Variants in ODR4 observed in about 807,000 individuals in gnomAD.
The protein encoded by ODR4 is odr-4 GPCR localization factor homolog.
Under a neutral mutation model 60.2 loss-of-function variants are expected in ODR4, and 47 were observed. That is an observed-to-expected ratio of 0.78 (90% CI 0.62 to 1.00). ODR4 has a LOEUF of 1.00. Ranked by LOEUF, ODR4 falls within the 50% of genes least tolerant of loss-of-function variation. ODR4 has a pLI of 0.00. For synonymous variants in ODR4, 178 were observed against 175.5 expected, an observed-to-expected ratio of 1.01 and a Z score of -0.11; for missense variants, 488 against 530.8, an observed-to-expected ratio of 0.92 and a Z score of 0.79.
the ODR4 span, among the ~76,000 whole-genome samples, chr1:186,434,640 T>C: frequency 2.0e-5 from 3 of 152,200 alleles, no homozygotes; most frequent in Non-Finnish European, 4.4e-5. Flanking sequence ...AAATTGGAGA[T>C]ACAATGATTG....
Position 186,398,874 on chromosome 1 carries a change from TTA to T in ODR4, c.910-78_910-77del. 3.8e-6 allele frequency: 4 copies of T among 1,042,272 alleles called. No homozygotes were observed. In the South Asian group the frequency reaches 6.4e-5, roughly 17 times the overall value. The allele number at this position is 1,042,272 out of a possible 1,614,324, so 64.6% of individuals were successfully genotyped here. On this transcript the variant is annotated intron_variant, in intron 10 of 13. Transcript: ENST00000287859. ...GGGCATGATTGTACTGGAAAGCAAA[TTA>T]TTTTTTTTGTTAGTTAAATATTGTA...
At position 186,390,563 on chromosome 1, in the gene ODR4, C is replaced by A. The variant is rs1333215144; in HGVS notation, c.475-148C>A. ...TGCTTTATTTTGTGTTTAGTTCAAC[C>A]TATAGTCTTTTGATCAAGGGTTTAG... On this transcript the variant is annotated intron_variant, in intron 6 of 13. Transcript: ENST00000287859. 7 of 765,634 alleles carry A rather than the reference C, an allele frequency of 9.1e-6. No individual in the cohort carries two copies. The African/African-American group carries it at 1.1e-4, about 12-fold the overall frequency. 47.4% of individuals were successfully genotyped at this position (765,634 alleles called of 1,614,324 possible).
chr1:186,414,678 C>T (rs1661496000), intron 12 of ODR4, among the ~76,000 whole-genome samples: 1 of 151,998 alleles, frequency 6.6e-6, no homozygotes, highest in Non-Finnish European at 1.5e-5. Context: ...TGCCACCATA[C>T]CTGGCTAATT....
chr1:186,383,115 G>C lies in ODR4; in HGVS notation c.193G>C (p.Asp65His). The change falls in exon 3 of 14, where the codon GAT becomes CAT. Residue 65 changes from aspartate (D) to histidine (H), a missense_variant. Coordinates refer to ENST00000287859, the MANE Select transcript of ODR4 (RefSeq NM_017847.6). Reference protein sequence around the residue: ...ENLKHPKAKLDNLDEEWATEH... With the variant: ...ENLKHPKAKLHNLDEEWATEH... ...CCTCAAACATCCCAAAGCTAAGTTG[G>C]ATAACTTGGATGAAGAATGGGCCAC... 1 of 1,557,060 alleles carries C rather than the reference G, an allele frequency of 6.4e-7. No individual in the cohort carries two copies. The highest frequency in any genetic ancestry group is 8.7e-7 in the Non-Finnish European group (1 of 1,149,698).
At chr1:186,392,580 G>A (rs1217695452) in intron 8 of ODR4, among the ~76,000 whole-genome samples, 1 of 152,196 alleles carries the variant, frequency 6.6e-6, no homozygotes, top group Non-Finnish European at 1.5e-5. Context: ...ACTTTGGGGG[G>A]CCGAGGTGGG....
intron 8 of ODR4, among the ~76,000 whole-genome samples, chr1:186,392,442 A>G (rs1360606625): frequency 2.6e-5 from 4 of 152,252 alleles, no homozygotes; most frequent in African/African-American, 9.6e-5. Flanking sequence ...ACACCATGGA[A>G]TACTGTGCAG....
intron 3 of ODR4, among the ~76,000 whole-genome samples, chr1:186,385,261 A>T (rs1660210067): frequency 6.7e-6 from 1 of 149,830 alleles, no homozygotes; most frequent in African/African-American, 2.5e-5. Context: ...AATAGAAAAT[A>T]ATGGATTTTC....
chr1:186,399,725 T>A (rs1660847400), intron 11 of ODR4, among the ~76,000 whole-genome samples: 1 of 152,268 alleles, frequency 6.6e-6, no homozygotes, highest in Admixed American at 6.5e-5. Context: ...AAATACTATA[T>A]AATAGCTCCT....
intron 5 of ODR4, 55 bp from the exon 6 acceptor site, chr1:186,389,533 T>G: frequency 7.5e-7 from 1 of 1,336,892 alleles, no homozygotes; most frequent in African/African-American, 1.5e-5. Flanking sequence ...TAGTTTATAT[T>G]CTTTTAGTTA....
chr1:186,430,358 A>T, the ODR4 span, among the ~76,000 whole-genome samples: 4 of 152,108 alleles, frequency 2.6e-5, no homozygotes, highest in African/African-American at 9.6e-5. Flanking sequence ...AAGGCTTGGT[A>T]TTTTAGAAAA....
rs1245555736 is a variant in ODR4, at chr1:186,406,166, T to C, written c.1084T>C (p.Phe362Leu). The C allele has an allele frequency of 1.9e-6, 3 of 1,612,848 alleles. No individual in the cohort carries two copies. Among genetic ancestry groups the C allele is most frequent in the Non-Finnish European group, 2.5e-6 (3 of 1,179,370 alleles). Residue 362 changes from phenylalanine (F) to leucine (L), a missense_variant, in exon 12 of 14, where the codon TTT becomes CTT. Coordinates refer to ENST00000287859, the MANE Select transcript of ODR4 (RefSeq NM_017847.6). The part of the protein sequence containing the change: ...GSTVMLCDYK[F>L]DDESAEEIRD... Reference sequence around the variant, plus strand: ...CACTGTAATGTTGTGTGATTATAAATTTGACGATGAGTCAGCTGAAGAAAT... The same window carrying C: ...CACTGTAATGTTGTGTGATTATAAACTTGACGATGAGTCAGCTGAAGAAAT...
intron 11 of ODR4, among the ~76,000 whole-genome samples, chr1:186,402,218 C>CTTTCTT (rs1321292542): frequency 6.7e-6 from 1 of 149,084 alleles, no homozygotes; most frequent in Non-Finnish European, 1.5e-5. Flanking sequence ...TTCTTTCTTT[C>CTTTCTT]TTTCTTTCTT....
At chr1:186,400,709 T>C (rs1438598953) in intron 11 of ODR4, 8 of 227,004 alleles carry the variant, frequency 3.5e-5, no homozygotes, top group Non-Finnish European at 6.8e-5. Flanking sequence ...ATAATCTTTT[T>C]TTTATATTCC....
downstream of ODR4, among the ~76,000 whole-genome samples, chr1:186,421,552 AG>A (rs1661776775): frequency 2.0e-5 from 3 of 152,138 alleles, no homozygotes; most frequent in South Asian, 6.2e-4. Context: ...CAAGAGTTCA[AG>A]GGTAACTGCC....
chr1:186,390,654 TC>T, intron 6 of ODR4, 56 bp from the exon 7 acceptor site: 2 of 1,536,600 alleles, frequency 1.3e-6, no homozygotes, highest in South Asian at 1.1e-5. Flanking sequence ...GTTTTGTTGA[TC>T]CATGTATTTT....
chr1:186,386,492 T>C (rs189965666), intron 4 of ODR4, among the ~76,000 whole-genome samples: 62 of 152,240 alleles, frequency 4.1e-4, no homozygotes, highest in Non-Finnish European at 1.6e-4. Context: ...AAATAATTCA[T>C]TGTAAAATAT....
At chr1:186,394,390 G>A (rs1416892472) in intron 9 of ODR4, among the ~76,000 whole-genome samples, 1 of 152,074 alleles carries the variant, frequency 6.6e-6, no homozygotes, top group Non-Finnish European at 1.5e-5. Flanking sequence ...TGCTTATTTT[G>A]AAGTAGATTA....
At chr1:186,395,341 C>T (rs868467298) in intron 9 of ODR4, among the ~76,000 whole-genome samples, 3 of 152,148 alleles carry the variant, frequency 2.0e-5, no homozygotes, top group African/African-American at 7.2e-5. Flanking sequence ...GATCCGCCTG[C>T]CTCGGCCTCC....
chr1:186,402,190 C>CTTTCTTTCTT (rs1431840578), intron 11 of ODR4, among the ~76,000 whole-genome samples: 2 of 131,306 alleles, frequency 1.5e-5, no homozygotes, highest in Non-Finnish European at 3.2e-5. Flanking sequence ...GCATCCTATT[C>CTTTCTTTCTT]TTTCTTTCTT....
Sources: allele counts gnomAD v4.1 joint callset (sites outside exome capture counted in the v4.1 genomes callset), GRCh38; gene constraint gnomAD v4.1.1; transcripts MANE v1.5; gene names NCBI Gene and HGNC (gene_info 2026-07-23, HGNC 2026-07-21).